Variants in PHTF2 observed in about 807,000 individuals in gnomAD.
PHTF2 encodes the protein putative homeodomain transcription factor 2, also known as protein PHTF2.
In PHTF2, 60 loss-of-function variants were observed where a neutral mutation model predicts 101.2. That is an observed-to-expected ratio of 0.59 (90% CI 0.48 to 0.73). The LOEUF is 0.73. Ranked by LOEUF, PHTF2 falls within the 30% of genes least tolerant of loss-of-function variation. The pLI is 0.00. For missense variants in PHTF2, 747 were observed against 908.7 expected (o/e 0.82, Z 2.29); for synonymous variants, 311 against 307.3 (o/e 1.01, Z -0.13).
Position 77,831,694 on chromosome 7 carries a change from G to C in PHTF2, c.-35-8527G>C, listed in dbSNP as rs192040227. Among the ~76,000 whole-genome samples, 397 of 152,228 alleles carry C rather than the reference G, an allele frequency of 2.6e-3. 1 individual carries two copies. The highest frequency in any genetic ancestry group is 9.3e-3 in the African/African-American group (385 of 41,528). Reference sequence around the variant, plus strand: ...AGAACTGATTTGGTAATTTTGTGTTGGTATATGCATGAACAGAGCACGGCT... The same window carrying C: ...AGAACTGATTTGGTAATTTTGTGTTCGTATATGCATGAACAGAGCACGGCT... On this transcript the variant is annotated intron_variant, in intron 1 of 19. Transcript: ENST00000416283.
chr7:77,929,854 TG>T (rs1804398519), intron 12 of PHTF2, among the ~76,000 whole-genome samples: 1 of 152,084 alleles, frequency 6.6e-6, no homozygotes, highest in South Asian at 2.1e-4. Context: ...ATAACTAATA[TG>T]AAAAAATTAA....
At chr7:77,899,243 GA>G (rs1175008079) in intron 5 of PHTF2, among the ~76,000 whole-genome samples, 1 of 152,118 alleles carries the variant, frequency 6.6e-6, no homozygotes, top group Non-Finnish European at 1.5e-5. Context: ...ACAAAAATGT[GA>G]AAAACATAAC....
At chr7:77,835,051 T>C (rs767257715) in intron 1 of PHTF2, among the ~76,000 whole-genome samples, 89 of 152,100 alleles carry the variant, frequency 5.9e-4, no homozygotes, top group Non-Finnish European at 1.1e-3. Flanking sequence ...GGCGGGCGGA[T>C]CACCTGAGGT....
intron 15 of PHTF2, 68 bp downstream of exon 14, chr7:77,940,727 A>AAC: frequency 8.9e-7 from 1 of 1,126,376 alleles, no homozygotes; most frequent in Non-Finnish European, 1.3e-6. Context: ...TTTCTTTATC[A>AAC]ATATATATTT....
At chr7:77,939,313 G>C (rs1438562964) in intron 13 of PHTF2, among the ~76,000 whole-genome samples, 1 of 151,916 alleles carries the variant, frequency 6.6e-6, no homozygotes, top group African/African-American at 2.4e-5. Context: ...TATTCAAAGA[G>C]AAATGTAAGC....
At chr7:77,844,587 C>T (rs777193317) in intron 2 of PHTF2, among the ~76,000 whole-genome samples, 42 of 152,140 alleles carry the variant, frequency 2.8e-4, no homozygotes, top group Non-Finnish European at 5.0e-4. Context: ...GTCAGTGGTA[C>T]GATCTTGGCT....
chr7:77,799,774 C>T (rs1186614111), intron 1 of PHTF2, among the ~76,000 whole-genome samples: 1 of 152,166 alleles, frequency 6.6e-6, no homozygotes, highest in Non-Finnish European at 1.5e-5. Flanking sequence ...AAGGAACTGC[C>T]TTATACTAAC....
At chr7:77,865,821 G>A (rs1798011089) in intron 3 of PHTF2, among the ~76,000 whole-genome samples, 1 of 152,022 alleles carries the variant, frequency 6.6e-6, no homozygotes, top group Non-Finnish European at 1.5e-5. Context: ...TATCAAGCCA[G>A]GCACTTATTT....
chr7:77,820,088 C>T (rs1421628558), intron 1 of PHTF2, among the ~76,000 whole-genome samples: 3 of 152,100 alleles, frequency 2.0e-5, no homozygotes, highest in Non-Finnish European at 4.4e-5. Flanking sequence ...TGGGTTTCGC[C>T]ATGTTGGTCA....
In PHTF2 at chr7:77,942,203, A is replaced by G. The variant is rs146918707; in HGVS notation, c.1873-497A>G. On this transcript the variant is annotated intron_variant, in intron 15 of 19. Coordinates refer to ENST00000416283, the Ensembl canonical transcript of PHTF2. ...GCCCGCACTCCTAACCCTCAAATCT[A>G]AATGAAGTCTCCCTGCCAAGTATCT... Among the ~76,000 whole-genome samples the G allele has an allele frequency of 1.4e-4, 21 of 152,262 alleles. No individual in the cohort carries two copies. The East Asian group carries it at 4.1e-3, about 29-fold the overall frequency.
Position 77,900,790 on chromosome 7 carries a change from A to G in PHTF2, c.286+10A>G. On this transcript the variant is annotated intron_variant, in intron 6 of 19. Transcript: ENST00000416283. ...GTTGATCTTGTAAGAGGTGAGTCTG[A>G]TAAATAAATGCTTAATACAAGTAGA... The G allele has an allele frequency of 1.5e-6, 2 of 1,355,836 alleles. No homozygotes were observed. The highest frequency in any genetic ancestry group is 1.2e-5 in the South Asian group (1 of 85,560). 84.0% of individuals were successfully genotyped at this position (1,355,836 alleles called of 1,614,324 possible).
At chr7:77,900,152 G>A (rs907324182) in intron 5 of PHTF2, among the ~76,000 whole-genome samples, 1 of 152,086 alleles carries the variant, frequency 6.6e-6, no homozygotes, top group Non-Finnish European at 1.5e-5. Context: ...TGATGAGGTG[G>A]CATTTATGGT....
At chr7:77,937,633 T>C in intron 12 of PHTF2, 77 bp from the exon 12 acceptor site, 1 of 468,622 alleles carries the variant, frequency 2.1e-6, no homozygotes, top group South Asian at 6.4e-5. Flanking sequence ...TATAGAGATA[T>C]ATATACAACT....
intron 13 of PHTF2, 94 bp downstream of exon 12, chr7:77,937,932 A>G (rs952257242): frequency 5.6e-6 from 3 of 533,634 alleles, no homozygotes; most frequent in Non-Finnish European, 8.7e-6. Flanking sequence ...TAACCTTCTG[A>G]CCTCATTTCT....
chr7:77,920,370 G>A (rs758950839), exon 10 of PHTF2: 1 of 1,611,972 alleles, frequency 6.2e-7, no homozygotes, highest in Non-Finnish European at 8.5e-7. Context: ...TAAAAGCGGT[G>A]AAGATGGAAT....
chr7:77,799,590 G>T (rs1792369310), intron 1 of PHTF2, among the ~76,000 whole-genome samples: 2 of 152,184 alleles, frequency 1.3e-5, no homozygotes, highest in South Asian at 2.1e-4. Context: ...AAACAATACC[G>T]TGCTCCATCA....
chr7:77,832,379 A>AC (rs1795138294), intron 1 of PHTF2, among the ~76,000 whole-genome samples: 2 of 152,080 alleles, frequency 1.3e-5, no homozygotes, highest in Admixed American at 1.3e-4. Flanking sequence ...ACCACAGAAG[A>AC]CCCCCGAACT....
intron 1 of PHTF2, among the ~76,000 whole-genome samples, chr7:77,812,775 G>C (rs1298441600): frequency 1.3e-5 from 2 of 152,024 alleles, no homozygotes; most frequent in Non-Finnish European, 2.9e-5. Context: ...GTTTTTAGTA[G>C]AGATGGGGTT....
intron 11 of PHTF2, among the ~76,000 whole-genome samples, chr7:77,927,180 ATAT>A (rs1804111631): frequency 3.2e-5 from 1 of 31,446 alleles, no homozygotes; most frequent in African/African-American, 8.7e-5. Flanking sequence ...AAAAAAAAAT[ATAT>A]ATATATATAT....
Sources: allele counts gnomAD v4.1 joint callset (sites outside exome capture counted in the v4.1 genomes callset), GRCh38; gene constraint gnomAD v4.1.1; transcripts MANE v1.5; gene names NCBI Gene and HGNC (gene_info 2026-07-23, HGNC 2026-07-21).